The following FAR2 variants were observed in gnomAD, a reference collection of about 807,000 sequenced individuals.
FAR2 encodes the protein epididymis secretory protein Li 81.
In FAR2, 19 loss-of-function variants were observed where a neutral mutation model predicts 56.0. The observed-to-expected ratio is 0.34, with a 90% confidence interval of 0.24 to 0.50. The LOEUF is 0.50. Among genes scored for constraint, FAR2 ranks in the 20% least tolerant of loss-of-function variants. The pLI is 0.98. For missense variants in FAR2, 508 were observed against 642.2 expected (o/e 0.79, Z 2.26); for synonymous variants, 219 against 218.8 (o/e 1.00, Z -0.01).
At chr12:29,220,143 C>T (rs1947669030) in intron 1 of FAR2, among the ~76,000 whole-genome samples, 1 of 152,132 alleles carries the variant, frequency 6.6e-6, no homozygotes, top group Admixed American at 6.5e-5. Flanking sequence ...TTTGCTTTGA[C>T]GTTCAAGGTG....
At chr12:29,186,119 T>C (rs1467253400) in intron 1 of FAR2, among the ~76,000 whole-genome samples, 1 of 152,232 alleles carries the variant, frequency 6.6e-6, no homozygotes, top group Non-Finnish European at 1.5e-5. Context: ...CCTGTCTACA[T>C]AAACCTTTAT....
chr12:29,219,178 T>A (rs934958010), intron 1 of FAR2, among the ~76,000 whole-genome samples: 12 of 152,174 alleles, frequency 7.9e-5, no homozygotes, highest in Admixed American at 2.0e-4. Context: ...CATAAGCCAC[T>A]GTGCCCAGCC....
At chr12:29,230,611 C>T (rs1947843231) in intron 1 of FAR2, among the ~76,000 whole-genome samples, 1 of 151,920 alleles carries the variant, frequency 6.6e-6, no homozygotes, top group African/African-American at 2.4e-5. Flanking sequence ...CACTTAGAGG[C>T]ATTTACAATA....
intron 1 of FAR2, among the ~76,000 whole-genome samples, chr12:29,222,337 C>T (rs573433880): frequency 6.6e-6 from 1 of 152,244 alleles, no homozygotes; most frequent in East Asian, 1.9e-4. Flanking sequence ...ATTATTCAAA[C>T]ACATTTTTTA....
chr12:29,269,383 C>T (rs1398015248), intron 1 of FAR2, among the ~76,000 whole-genome samples: 2 of 152,170 alleles, frequency 1.3e-5, no homozygotes, highest in Non-Finnish European at 2.9e-5. Flanking sequence ...TCTCTTATTC[C>T]CTGAACAATT....
At chr12:29,238,132 T>C (rs1397204816) in intron 1 of FAR2, among the ~76,000 whole-genome samples, 1 of 152,150 alleles carries the variant, frequency 6.6e-6, no homozygotes, top group African/African-American at 2.4e-5. Flanking sequence ...GGGTATATTA[T>C]CAAAGGAGAA....
chr12:29,199,415 T>C (rs1291819521), intron 1 of FAR2, among the ~76,000 whole-genome samples: 4 of 150,258 alleles, frequency 2.7e-5, no homozygotes, highest in Admixed American at 2.6e-4. Context: ...CTGGCCAACA[T>C]GGTGAAGCCC....
At chr12:29,159,795 A>C (rs1385085346) in intron 1 of FAR2, among the ~76,000 whole-genome samples, 1 of 152,194 alleles carries the variant, frequency 6.6e-6, no homozygotes, top group African/African-American at 2.4e-5. Flanking sequence ...TGGTGTTTTA[A>C]GTACTTAAGT....
chr12:29,329,323 GAAATAACTC>G (rs1193344444), intron 10 of FAR2, among the ~76,000 whole-genome samples: 15 of 152,082 alleles, frequency 9.9e-5, no homozygotes, highest in Non-Finnish European at 1.5e-4. Flanking sequence ...TTTTCCTGCC[GAAATAACTC>G]AAAAGGTAAT....
intron 3 of FAR2, among the ~76,000 whole-genome samples, chr12:29,295,762 T>A (rs968011726): frequency 1.5e-5 from 2 of 135,594 alleles, no homozygotes; most frequent in Non-Finnish European, 3.2e-5. Flanking sequence ...CGTAATTTTT[T>A]TTTTTTTTTT....
intron 1 of FAR2, among the ~76,000 whole-genome samples, chr12:29,152,873 G>C (rs905376498): frequency 6.6e-6 from 1 of 152,226 alleles, no homozygotes; most frequent in Non-Finnish European, 1.5e-5. Flanking sequence ...GGCCCTTAGA[G>C]ATAGCCCTTA....
At chr12:29,248,860 C>T (rs1345193777) in intron 1 of FAR2, among the ~76,000 whole-genome samples, 3 of 152,194 alleles carry the variant, frequency 2.0e-5, no homozygotes, top group Admixed American at 6.5e-5. Flanking sequence ...CAATATTTCT[C>T]CCATTTGCTT....
chr12:29,185,422 A>G (rs1476493599), intron 1 of FAR2, among the ~76,000 whole-genome samples: 2 of 152,258 alleles, frequency 1.3e-5, no homozygotes, highest in Non-Finnish European at 2.9e-5. Context: ...ACATGTATAC[A>G]AATGAATAAA....
chr12:29,279,013 T>G (rs2136721640), intron 2 of FAR2, among the ~76,000 whole-genome samples: 1 of 152,356 alleles, frequency 6.6e-6, no homozygotes. Flanking sequence ...GCAAAAAGCT[T>G]ATTAATTTAT....
intron 11 of FAR2, chr12:29,333,163 T>G (rs1949755971): frequency 3.1e-6 from 1 of 325,940 alleles, no homozygotes; most frequent in African/African-American, 2.2e-5. Context: ...TCGTAATCCC[T>G]GAGGGACAAG....
intron 1 of FAR2, among the ~76,000 whole-genome samples, chr12:29,165,838 A>G (rs113499958): frequency 6.6e-6 from 1 of 152,220 alleles, no homozygotes; most frequent in Non-Finnish European, 1.5e-5. Flanking sequence ...CTAATATTCT[A>G]ATACATGGTA....
intron 1 of FAR2, among the ~76,000 whole-genome samples, chr12:29,202,151 TATTA>T (rs1190961076): frequency 3.9e-5 from 6 of 152,166 alleles, no homozygotes; most frequent in Non-Finnish European, 7.3e-5. Context: ...TATTATTTTC[TATTA>T]ATTATCTTAT....
intron 1 of FAR2, among the ~76,000 whole-genome samples, chr12:29,254,622 T>G (rs1948285276): frequency 1.3e-5 from 2 of 152,140 alleles, no homozygotes; most frequent in African/African-American, 4.8e-5. Context: ...TGCTACAAAA[T>G]GGGAACATGA....
intron 1 of FAR2, among the ~76,000 whole-genome samples, chr12:29,182,421 C>T (rs915125292): frequency 6.6e-6 from 1 of 152,156 alleles, no homozygotes; most frequent in African/African-American, 2.4e-5. Context: ...AGCATTTTTA[C>T]ACAGTGCTGG....
Sources: allele counts gnomAD v4.1 joint callset (sites outside exome capture counted in the v4.1 genomes callset), GRCh38; gene constraint gnomAD v4.1.1; transcripts MANE v1.5; gene names NCBI Gene and HGNC (gene_info 2026-07-23, HGNC 2026-07-21).